The following ARIH2 variants were observed in gnomAD, a reference collection of about 807,000 sequenced individuals.
The protein encoded by ARIH2 is ariadne RBR E3 ubiquitin protein ligase 2.
Under a neutral mutation model 79.8 loss-of-function variants are expected in ARIH2, and 12 were observed. The observed-to-expected ratio is 0.15, with a 90% CI of 0.10 to 0.24. ARIH2 has a LOEUF of 0.24. Ranked by LOEUF, ARIH2 falls within the 10% of genes least tolerant of loss-of-function variation. ARIH2 has a pLI of 1.00. For missense variants in ARIH2, 301 were observed against 618.3 expected (o/e 0.49, Z 5.44); for synonymous variants, 224 against 213.9 (o/e 1.05, Z -0.41).
chr3:48,981,166 C>CA (rs141053808), intron 13 of ARIH2, among the ~76,000 whole-genome samples: 1 of 150,812 alleles, frequency 6.6e-6, no homozygotes, highest in Non-Finnish European at 1.5e-5. Context: ...CCCGTCTCTA[C>CA]AAAAAAAATA....
chr3:48,923,972 A>G (rs2085210167), intron 2 of ARIH2, among the ~76,000 whole-genome samples: 2 of 152,212 alleles, frequency 1.3e-5, no homozygotes, highest in South Asian at 4.1e-4. Flanking sequence ...TGTTTATACA[A>G]AAAATAAAAT....
chr3:48,980,779 G>C (rs941042285), intron 13 of ARIH2, among the ~76,000 whole-genome samples: 1 of 152,070 alleles, frequency 6.6e-6, no homozygotes, highest in South Asian at 2.1e-4. Flanking sequence ...TCACTCAAAG[G>C]AAAATAAAAG....
Position 48,960,757 on chromosome 3 carries a change from C to CA in ARIH2, c.256-839dup, listed in dbSNP as rs748889651. On this transcript the variant is annotated intron_variant, in intron 3 of 15. Coordinates refer to ENST00000356401, the MANE Select transcript of ARIH2 (RefSeq NM_006321.4). Reference sequence around the variant, plus strand: ...CCAGCCTGGGTGACAAAGACTGTCTCAAAAAAAAAAAAAAAAGTCTTTCTA... The same window carrying CA: ...CCAGCCTGGGTGACAAAGACTGTCTCAAAAAAAAAAAAAAAAAGTCTTTCTA... Among the ~76,000 whole-genome samples the CA allele has an allele frequency of 9.8e-3, 794 of 81,140 alleles. 4 individuals are homozygous for CA. Among genetic ancestry groups the CA allele is most frequent in the Middle Eastern group, 0.025 (3 of 122 alleles). The allele number at this position is 81,140 out of a possible 152,430, so 53.2% of individuals were successfully genotyped here.
chr3:48,919,974 A>AT lies in ARIH2; in HGVS notation c.-162+996dup, dbSNP rs768780567. Among the ~76,000 whole-genome samples the AT allele has an allele frequency of 9.5e-3, 1,291 of 135,500 alleles. 10 individuals are homozygous for AT. The highest frequency in any genetic ancestry group is 0.017 in the African/African-American group (634 of 36,642). The allele number at this position is 135,500 out of a possible 152,430, so 88.9% of individuals were successfully genotyped here. On this transcript the variant is annotated intron_variant, in intron 1 of 15. Transcript: ENST00000356401. ...ACATGTGACTTTGGCTCTGGAGGAA[A>AT]TTTTTTTTTTTTTTTTTTTTGGTGG...
chr3:48,937,573 A>C (rs2087335248), intron 3 of ARIH2, among the ~76,000 whole-genome samples: 1 of 152,288 alleles, frequency 6.6e-6, no homozygotes, highest in Middle Eastern at 3.4e-3. Context: ...ACCTGGCAGA[A>C]ATGTCTGGTT....
intron 3 of ARIH2, among the ~76,000 whole-genome samples, chr3:48,929,370 G>A (rs1307980321): frequency 6.6e-6 from 1 of 151,414 alleles, no homozygotes; most frequent in Non-Finnish European, 1.5e-5. Flanking sequence ...TTTAATTGTG[G>A]TAAAATATAT....
chr3:48,950,934 G>A (rs1305627255), intron 3 of ARIH2, among the ~76,000 whole-genome samples: 2 of 142,530 alleles, frequency 1.4e-5, no homozygotes, highest in South Asian at 4.6e-4. Context: ...TATTGACTTT[G>A]TATTTTCTTT....
rs1190920959 is a variant in ARIH2, at chr3:48,983,283, A to G, written c.*13A>G. 6.2e-7 allele frequency: 1 copy of G among 1,613,952 alleles called. No homozygotes were observed. Among genetic ancestry groups the G allele is most frequent in the Admixed American group, 1.7e-5 (1 of 60,024 alleles). ...CCATGACACCTAAGTTGGGATGTGG[A>G]TGTGCCGGGGTGAGGAAGATGTGGC... On this transcript the variant is annotated 3_prime_UTR_variant, in exon 16 of 16. Coordinates refer to ENST00000356401, the MANE Select transcript of ARIH2 (RefSeq NM_006321.4).
At chr3:48,978,011 G>C (rs955757221) in intron 11 of ARIH2, among the ~76,000 whole-genome samples, 1 of 152,130 alleles carries the variant, frequency 6.6e-6, no homozygotes, top group East Asian at 1.9e-4. Context: ...GAATAGGCCA[G>C]ATATAAAATC....
rs191134307 is a variant in ARIH2, at chr3:48,976,765, C to A, written c.961+1786C>A. On this transcript the variant is annotated intron_variant, in intron 11 of 15. Coordinates refer to ENST00000356401, the MANE Select transcript of ARIH2 (RefSeq NM_006321.4). The stretch of plus-strand genomic sequence containing the variant: ...CACATTCCTAGTGCCTAAGAAGCCC[C>A]CTGGGTGTCCATATCCCTTGACACC... 3.3e-5 allele frequency among the ~76,000 whole-genome samples: 5 copies of A among 152,292 alleles called. No individual in the cohort carries two copies. In the East Asian group the frequency reaches 9.7e-4, roughly 29 times the overall value.
At chr3:48,967,808 T>A (rs546874886) in intron 6 of ARIH2, among the ~76,000 whole-genome samples, 3 of 152,350 alleles carry the variant, frequency 2.0e-5, no homozygotes, top group East Asian at 3.9e-4. Context: ...AAGGATTTTT[T>A]AAATGGTTTT....
At chr3:48,949,953 T>A (rs1207400857) in intron 3 of ARIH2, among the ~76,000 whole-genome samples, 1 of 152,020 alleles carries the variant, frequency 6.6e-6, no homozygotes, top group African/African-American at 2.4e-5. Context: ...TTTTAAAAAA[T>A]TTTTCTTTTA....
chr3:48,919,345 C>T, intron 1 of ARIH2: 3 of 650,298 alleles, frequency 4.6e-6, no homozygotes, highest in Non-Finnish European at 6.7e-6. Flanking sequence ...TTTGGGAGCT[C>T]TCGCAGCGCT....
At chr3:48,979,681 C>T (rs1399156780) in intron 12 of ARIH2, 48 bp downstream of exon 12, 4 of 1,600,318 alleles carry the variant, frequency 2.5e-6, no homozygotes, top group African/African-American at 2.7e-5. Context: ...GCTTCTTCCA[C>T]TTGGCCTGCT....
intron 11 of ARIH2, among the ~76,000 whole-genome samples, chr3:48,976,996 C>A (rs2092542044): frequency 1.3e-5 from 2 of 151,884 alleles, no homozygotes; most frequent in African/African-American, 2.4e-5. Context: ...GTCAGGAGAT[C>A]GAGACCATCC....
Position 48,970,683 on chromosome 3 carries a change from A to T in ARIH2, c.749A>T (p.Asn250Ile). The T allele has an allele frequency of 6.2e-7, 1 of 1,613,898 alleles. No homozygotes were observed. The highest frequency in any genetic ancestry group is 8.5e-7 in the Non-Finnish European group (1 of 1,179,804). The part of the protein sequence containing the change: ...QEPRARRVQC[N>I]RCNEVFCFKC... ...CCTAGAGCTCGCCGAGTACAGTGCA[A>T]TCGGTGCAACGAGGTCTTCTGGTAA... The change falls in exon 8 of 16, where the codon AAT (asparagine) becomes ATT (isoleucine). Residue 250 changes from asparagine (N) to isoleucine (I), a missense_variant. Physicochemically the swap from Asn to Ile is moderately radical, Grantham distance 149. Coordinates refer to ENST00000356401, the MANE Select transcript of ARIH2 (RefSeq NM_006321.4).
In ARIH2 at chr3:48,983,531, A is replaced by T. The variant is rs1191351528; in HGVS notation, c.*261A>T. 1.9e-6 allele frequency: 1 copy of T among 516,538 alleles called. No individual in the cohort carries two copies. Among genetic ancestry groups the T allele is most frequent in the East Asian group, 3.3e-5 (1 of 30,574 alleles). 32.0% of individuals were successfully genotyped at this position (516,538 alleles called of 1,614,324 possible). On this transcript the variant is annotated 3_prime_UTR_variant, in exon 16 of 16. Transcript: ENST00000356401. ...CTGGATGGTTGTTGGGAGGGAGGGA[A>T]AGTGTTTTCTGAATGGCTATTAATA...
At chr3:48,926,549 C>T (rs1197388627) in intron 2 of ARIH2, among the ~76,000 whole-genome samples, 2 of 151,480 alleles carry the variant, frequency 1.3e-5, no homozygotes, top group East Asian at 1.9e-4. Flanking sequence ...GGATTACAGG[C>T]GTGAGCCACC....
intron 3 of ARIH2, among the ~76,000 whole-genome samples, chr3:48,947,500 T>C (rs894692668): frequency 6.6e-6 from 1 of 151,374 alleles, no homozygotes; most frequent in Admixed American, 6.6e-5. Flanking sequence ...ATCAGCATTA[T>C]AGGCCTATAT....
Sources: allele counts gnomAD v4.1 joint callset (sites outside exome capture counted in the v4.1 genomes callset), GRCh38; gene constraint gnomAD v4.1.1; transcripts MANE v1.5; gene names NCBI Gene and HGNC (gene_info 2026-07-23, HGNC 2026-07-21).